The following TANC2 variants were observed in gnomAD, a reference collection of about 807,000 sequenced individuals.
TANC2 encodes the protein tetratricopeptide repeat, ankyrin repeat and coiled-coil containing 2, also known as protein TANC2.
Under a neutral mutation model 210.5 loss-of-function variants are expected in TANC2, and 26 were observed. The ratio of observed to expected loss-of-function variants is 0.12; its 90% CI spans 0.09 to 0.17. The LOEUF is 0.17. TANC2 is among the 10% of genes least tolerant of loss of function. The pLI is 1.00. For synonymous variants in TANC2, 931 were observed against 967.1 expected (o/e 0.96, Z 0.69); for missense variants, 2,129 against 2,608.9 (o/e 0.82, Z 4.01).
chr17:63,214,665 G>A (rs1450425994), intron 7 of TANC2, among the ~76,000 whole-genome samples: 1 of 152,142 alleles, frequency 6.6e-6, no homozygotes, highest in Non-Finnish European at 1.5e-5. Flanking sequence ...GTTTTATACA[G>A]GTACTAATCC....
chr17:63,358,320 A>G (rs1364155064), intron 14 of TANC2, among the ~76,000 whole-genome samples: 1 of 151,928 alleles, frequency 6.6e-6, no homozygotes, highest in African/African-American at 2.4e-5. Flanking sequence ...TCTCATTGTC[A>G]TAGAAATAAA....
At chr17:63,301,992 G>C (rs1357371702) in intron 9 of TANC2, among the ~76,000 whole-genome samples, 1 of 152,036 alleles carries the variant, frequency 6.6e-6, no homozygotes, top group African/African-American at 2.4e-5. Flanking sequence ...TGTTCTCATT[G>C]GTTTCAGAGA....
At chr17:63,218,634 C>T (rs1332590163) in intron 7 of TANC2, among the ~76,000 whole-genome samples, 1 of 151,918 alleles carries the variant, frequency 6.6e-6, no homozygotes, top group Non-Finnish European at 1.5e-5. Flanking sequence ...GGTGGCTCAC[C>T]CCTGTAATCC....
chr17:63,420,400 C>T lies in TANC2; in HGVS notation c.4670C>T (p.Ser1557Phe), dbSNP rs1247445635. 2 of 1,613,984 alleles carry T rather than the reference C, an allele frequency of 1.2e-6. No homozygotes were observed. Among genetic ancestry groups the T allele is most frequent in the Admixed American group, 3.3e-5 (2 of 60,026 alleles). ...GTTTTTGACTTCCGGTCCAGTAGTT[C>T]TGTAGGCTCTCCCACTAGACAGACC... Residue 1557 changes from serine to phenylalanine, a missense_variant, in exon 28 of 28, where the codon TCT becomes TTT. Coordinates refer to ENST00000689528, the Ensembl canonical transcript of TANC2. The surrounding 1 kb of genome is among the most constrained non-coding windows in gnomAD (Gnocchi z 4.2).
chr17:63,252,287 A>T (rs2043073132), intron 8 of TANC2, among the ~76,000 whole-genome samples: 1 of 152,040 alleles, frequency 6.6e-6, no homozygotes, highest in African/African-American at 2.4e-5. Flanking sequence ...AGATATTTTG[A>T]TACAGGCATA....
chr17:63,311,080 T>C (rs1427454961), intron 9 of TANC2, among the ~76,000 whole-genome samples: 1 of 152,242 alleles, frequency 6.6e-6, no homozygotes, highest in Admixed American at 6.5e-5. Context: ...TCTTTTTGCC[T>C]CTGTTTTATC....
At chr17:63,048,689 C>T (rs1233173391) in intron 2 of TANC2, among the ~76,000 whole-genome samples, 1 of 152,048 alleles carries the variant, frequency 6.6e-6, no homozygotes, top group Non-Finnish European at 1.5e-5. Flanking sequence ...CAAACTGATG[C>T]AGGAACAGAA....
intron 2 of TANC2, among the ~76,000 whole-genome samples, chr17:63,022,198 C>T (rs921633259): frequency 1.2e-4 from 18 of 151,804 alleles, no homozygotes; most frequent in Admixed American, 6.6e-4. Context: ...AAAAGTTAGC[C>T]GGGTATGGTG....
chr17:63,191,605 G>T (rs1011982587), intron 5 of TANC2, among the ~76,000 whole-genome samples: 4 of 151,832 alleles, frequency 2.6e-5, no homozygotes, highest in Admixed American at 2.6e-4. Context: ...TGGGACCACA[G>T]GCGCGCGCCA....
intron 7 of TANC2, among the ~76,000 whole-genome samples, chr17:63,208,384 G>A (rs1163868585): frequency 6.6e-6 from 1 of 152,114 alleles, no homozygotes; most frequent in African/African-American, 2.4e-5. Context: ...TGGTAAATCA[G>A]TCTCTCCTTA....
intron 9 of TANC2, among the ~76,000 whole-genome samples, chr17:63,289,866 A>G (rs1355314915): frequency 6.6e-6 from 1 of 152,116 alleles, no homozygotes; most frequent in African/African-American, 2.4e-5. Flanking sequence ...TAGTTCAGTA[A>G]GTAGGTCTCA....
intron 7 of TANC2, among the ~76,000 whole-genome samples, chr17:63,215,598 T>A (rs2042003519): frequency 6.6e-6 from 1 of 152,136 alleles, no homozygotes; most frequent in African/African-American, 2.4e-5. Context: ...ACCTCCATTT[T>A]AAAAACACCC....
intron 1 of TANC2, among the ~76,000 whole-genome samples, chr17:62,974,890 C>A (rs1157677176): frequency 6.6e-6 from 1 of 151,918 alleles, no homozygotes; most frequent in African/African-American, 2.4e-5. Context: ...AGTACGTAAG[C>A]AATAATAGTG....
At chr17:63,100,479 T>C (rs2037580756) in intron 4 of TANC2, among the ~76,000 whole-genome samples, 1 of 152,140 alleles carries the variant, frequency 6.6e-6, no homozygotes, top group African/African-American at 2.4e-5. Context: ...CCTAAAAACA[T>C]AATATCCTGA....
chr17:63,009,799 G>GT (rs1186331228), intron 2 of TANC2, among the ~76,000 whole-genome samples, 173 bp downstream of exon 2: 4 of 152,226 alleles, frequency 2.6e-5, no homozygotes, highest in Admixed American at 2.0e-4. Flanking sequence ...ACTTGAATGC[G>GT]TATCAGGAAT....
chr17:63,074,314 C>T (rs2036500963), intron 3 of TANC2, among the ~76,000 whole-genome samples: 1 of 151,800 alleles, frequency 6.6e-6, no homozygotes. Flanking sequence ...TTTTCAACAC[C>T]AACATTTGTT....
chr17:63,168,975 A>G (rs188230266), intron 5 of TANC2, among the ~76,000 whole-genome samples: 15 of 152,350 alleles, frequency 9.8e-5, no homozygotes, highest in Admixed American at 3.9e-4. Flanking sequence ...ATTATGATTT[A>G]GCTATACCCG....
chr17:63,051,360 C>A (rs1471117696), intron 2 of TANC2, among the ~76,000 whole-genome samples: 2 of 152,162 alleles, frequency 1.3e-5, no homozygotes, highest in East Asian at 3.8e-4. Context: ...CTAGCTCATA[C>A]TTGAGAAGCT....
intron 2 of TANC2, among the ~76,000 whole-genome samples, chr17:63,073,630 A>G (rs796084523): frequency 2.2e-4 from 33 of 152,286 alleles, no homozygotes; most frequent in African/African-American, 7.9e-4. Flanking sequence ...AGGCCTTCTT[A>G]ACTGGAATTC....
Sources: gnomAD v4.1 joint callset for allele counts (sites outside exome capture counted in the v4.1 genomes callset) on GRCh38, gnomAD v4.1.1 for gene constraint, Gnocchi (gnomAD v3.1) non-coding constraint, MANE v1.5 for transcripts, NCBI Gene and HGNC (gene_info 2026-07-23, HGNC 2026-07-21) for gene names.